The following GRID2 variants were observed in gnomAD, a reference collection of about 807,000 sequenced individuals.
The protein encoded by GRID2 is glutamate ionotropic receptor delta type subunit 2.
In GRID2, 33 loss-of-function variants were observed where a neutral mutation model predicts 114.8. The ratio of observed to expected loss-of-function variants is 0.29; its 90% CI spans 0.22 to 0.38. GRID2 has a LOEUF of 0.38. Among genes scored for constraint, GRID2 ranks in the 10% least tolerant of loss-of-function variants. The pLI, the probability that GRID2 is intolerant of heterozygous loss-of-function variation, is 1.00. For missense variants in GRID2, 1,184 were observed against 1,257.7 expected (o/e 0.94, Z 0.89); for synonymous variants, 505 against 449.9 (o/e 1.12, Z -1.55).
At chr4:92,623,366 A>G (rs370260696) in intron 2 of GRID2, among the ~76,000 whole-genome samples, 3 of 148,092 alleles carry the variant, frequency 2.0e-5, no homozygotes, top group African/African-American at 7.3e-5. Context: ...AGTAAGTACA[A>G]AAAAAAAAAG....
At chr4:93,014,103 T>C (rs1029539834) in intron 2 of GRID2, among the ~76,000 whole-genome samples, 3 of 152,088 alleles carry the variant, frequency 2.0e-5, no homozygotes, top group African/African-American at 4.8e-5. Context: ...CATGTGTCAG[T>C]TGAAAGGCTT....
chr4:92,609,835 A>G (rs1729637693), intron 2 of GRID2, among the ~76,000 whole-genome samples: 1 of 151,596 alleles, frequency 6.6e-6, no homozygotes, highest in Non-Finnish European at 1.5e-5. Flanking sequence ...CTATAGATGC[A>G]GTTTATCTGC....
intron 8 of GRID2, among the ~76,000 whole-genome samples, chr4:93,281,945 A>G (rs1752690948): frequency 6.6e-6 from 1 of 152,080 alleles, no homozygotes; most frequent in Non-Finnish European, 1.5e-5. Flanking sequence ...CCTTTTATTC[A>G]CTAGTCTTAC....
chr4:92,405,171 G>A (rs554273797), intron 1 of GRID2, among the ~76,000 whole-genome samples: 2 of 152,142 alleles, frequency 1.3e-5, no homozygotes, highest in Admixed American at 6.6e-5. Context: ...CCAGCAATTC[G>A]ACTTTGGTCT....
intron 11 of GRID2, among the ~76,000 whole-genome samples, chr4:93,484,283 G>A (rs1726161915): frequency 6.6e-6 from 1 of 151,730 alleles, no homozygotes; most frequent in South Asian, 2.1e-4. Flanking sequence ...TCTTCCCAAA[G>A]GTAACCATCC....
intron 2 of GRID2, among the ~76,000 whole-genome samples, chr4:92,602,639 C>T (rs1302485574): frequency 3.3e-5 from 5 of 152,030 alleles, no homozygotes; most frequent in African/African-American, 7.2e-5. Context: ...CTTGAAAACT[C>T]GCACAAAACA....
At chr4:92,751,729 T>C (rs773573440) in intron 2 of GRID2, among the ~76,000 whole-genome samples, 1 of 152,236 alleles carries the variant, frequency 6.6e-6, no homozygotes, top group Non-Finnish European at 1.5e-5. Flanking sequence ...ACTTATACTA[T>C]ACTGTAATGA....
At chr4:93,535,427 T>C (rs975314987) in intron 13 of GRID2, among the ~76,000 whole-genome samples, 2 of 152,084 alleles carry the variant, frequency 1.3e-5, no homozygotes, top group Non-Finnish European at 2.9e-5. Flanking sequence ...ATGGGATTGC[T>C]AACTCATATG....
chr4:92,436,775 A>G (rs1732755822), intron 1 of GRID2, among the ~76,000 whole-genome samples: 1 of 152,130 alleles, frequency 6.6e-6, no homozygotes, highest in African/African-American at 2.4e-5. Flanking sequence ...AAGACAAAGG[A>G]AAACAATCTC....
intron 2 of GRID2, among the ~76,000 whole-genome samples, chr4:93,054,508 GATTTGTTGACAA>G (rs902453864): frequency 2.0e-4 from 31 of 151,966 alleles, no homozygotes; most frequent in African/African-American, 7.5e-4. Flanking sequence ...TATATTTGCT[GATTTGTTGACAA>G]ATTTGGAGCA....
chr4:92,717,821 A>T (rs940359491), intron 2 of GRID2, among the ~76,000 whole-genome samples: 1 of 152,170 alleles, frequency 6.6e-6, no homozygotes, highest in African/African-American at 2.4e-5. Flanking sequence ...ACATACTTCC[A>T]GAGTGTTGCT....
At chr4:92,426,490 T>C (rs1560622253) in intron 1 of GRID2, among the ~76,000 whole-genome samples, 2 of 152,126 alleles carry the variant, frequency 1.3e-5, no homozygotes, top group Non-Finnish European at 2.9e-5. Flanking sequence ...CAATCAGTAT[T>C]AATGCTAAAA....
In GRID2 at chr4:92,638,810, A is replaced by T. The variant is rs561314577; in HGVS notation, c.244+48524A>T. On this transcript the variant is annotated intron_variant, in intron 2 of 15. Coordinates refer to ENST00000282020, the MANE Select transcript of GRID2 (RefSeq NM_001510.4). ...AAAATTTTAATATTTGTCTTTGAAA[A>T]TTTAATATTTGTCTTTGAAATATCT... Among the ~76,000 whole-genome samples the T allele has an allele frequency of 3.1e-3, 475 of 150,952 alleles. 2 individuals are homozygous for T. The highest frequency in any genetic ancestry group is 0.011 in the African/African-American group (459 of 41,448).
intron 10 of GRID2, among the ~76,000 whole-genome samples, chr4:93,437,694 T>C (rs1462325125): frequency 1.3e-5 from 2 of 152,236 alleles, no homozygotes; most frequent in East Asian, 3.9e-4. Context: ...GTACAGTCTA[T>C]ATCTCACTTC....
chr4:92,785,079 T>C (rs1739254807), intron 2 of GRID2, among the ~76,000 whole-genome samples: 1 of 150,784 alleles, frequency 6.6e-6, no homozygotes, highest in South Asian at 2.1e-4. Context: ...TTCCTTTTTT[T>C]TTTTTTTTTT....
chr4:93,086,355 AACGAT>A (rs1312260448), intron 3 of GRID2, among the ~76,000 whole-genome samples: 1 of 152,220 alleles, frequency 6.6e-6, no homozygotes, highest in East Asian at 1.9e-4. Context: ...CAGCAATGTG[AACGAT>A]ATTGGAGAAC....
chr4:92,683,256 G>T (rs1364710794), intron 2 of GRID2, among the ~76,000 whole-genome samples: 4 of 151,844 alleles, frequency 2.6e-5, no homozygotes, highest in Non-Finnish European at 1.5e-5. Flanking sequence ...TGGAGATCGC[G>T]CCCCTGCACT....
At chr4:93,441,588 G>T (rs1303774433) in intron 10 of GRID2, among the ~76,000 whole-genome samples, 2 of 151,852 alleles carry the variant, frequency 1.3e-5, no homozygotes, top group Non-Finnish European at 2.9e-5. Flanking sequence ...AACCACAAAT[G>T]GAACCTTTAA....
intron 2 of GRID2, among the ~76,000 whole-genome samples, chr4:92,608,866 A>T (rs1405802910): frequency 6.6e-6 from 1 of 151,832 alleles, no homozygotes; most frequent in Non-Finnish European, 1.5e-5. Context: ...CCACTTTGTT[A>T]ATCGTTCATT....
Sources: allele counts gnomAD v4.1 joint callset (sites outside exome capture counted in the v4.1 genomes callset), GRCh38; gene constraint gnomAD v4.1.1; transcripts MANE v1.5; gene names NCBI Gene and HGNC (gene_info 2026-07-23, HGNC 2026-07-21).